EXT1: variants seen among roughly 807,000 people sequenced by gnomAD.
EXT1 encodes the protein exostosin glycosyltransferase 1, also known as exostosin-1.
In EXT1, 20 loss-of-function variants were observed where a neutral mutation model predicts 82.5. The observed-to-expected ratio is 0.24, with a 90% CI of 0.17 to 0.35. The LOEUF (loss-of-function observed/expected upper bound fraction) is 0.35. Ranked by LOEUF, EXT1 falls within the 10% of genes least tolerant of loss-of-function variation. EXT1 has a pLI of 1.00. For synonymous variants in EXT1, 348 were observed against 350.8 expected (o/e 0.99, Z 0.09); for missense variants, 757 against 936.5 (o/e 0.81, Z 2.50).
In EXT1 at chr8:118,033,089, C is replaced by A. The variant is rs73704889; in HGVS notation, c.962+76996G>T. 2.6e-3 allele frequency among the ~76,000 whole-genome samples: 396 copies of A among 152,268 alleles called. 2 individuals carry two copies. Among genetic ancestry groups the A allele is most frequent in the African/African-American group, 8.5e-3 (353 of 41,544 alleles). ...AGGTATTTATGCCCATTGCAATGCG[C>A]TAAATATGTGCCCACTCCCTGTTCT... On this transcript the variant is annotated intron_variant, in intron 1 of 10. Coordinates refer to ENST00000378204, the MANE Select transcript of EXT1 (RefSeq NM_000127.3).
intron 6 of EXT1, 83 bp downstream of exon 6, chr8:117,819,593 C>T: frequency 1.7e-6 from 2 of 1,191,692 alleles, no homozygotes; most frequent in East Asian, 2.3e-5. Flanking sequence ...CCTGGGGAGC[C>T]CGGGGGATAA....
intron 1 of EXT1, among the ~76,000 whole-genome samples, chr8:118,057,651 C>G (rs1262990498): frequency 1.4e-5 from 2 of 148,096 alleles, no homozygotes; most frequent in Non-Finnish European, 3.0e-5. Context: ...TTGAGGGGTT[C>G]AAAAAATGTC....
In EXT1 at chr8:117,807,361, G is replaced by A. The variant is rs2129701929; in HGVS notation, c.1739C>T (p.Thr580Ile). 6.2e-7 allele frequency: 1 copy of A among 1,614,198 alleles called. No homozygotes were observed. Residue 580 changes from threonine (T) to isoleucine (I), a missense_variant, in exon 9 of 11, where the codon ACA becomes ATA. Physicochemically the swap from Thr to Ile is moderately conservative, Grantham distance 89. This residue lies in a region of EXT1 where 128 missense variants were observed against 223.2 expected (regional missense o/e 0.57). Transcript: ENST00000378204. ...CCTCTCAGGGAAGCTCTGCCACACTGTGAAGGCGAAATCCACCTGCAGGCA... is the reference window on the plus strand; with the variant it reads ...CCTCTCAGGGAAGCTCTGCCACACTATGAAGGCGAAATCCACCTGCAGGCA... The part of the protein sequence containing the change: ...LSTTEVDFAF[T>I]VWQSFPERIV...
At chr8:117,808,732 T>C (rs184109549) in intron 8 of EXT1, among the ~76,000 whole-genome samples, 91 of 152,260 alleles carry the variant, frequency 6.0e-4, no homozygotes, top group East Asian at 1.9e-4. Context: ...TGGTTAATTG[T>C]ATGTGTCAAT....
At chr8:118,025,686 C>T (rs1312649498) in intron 1 of EXT1, among the ~76,000 whole-genome samples, 4 of 152,084 alleles carry the variant, frequency 2.6e-5, no homozygotes, top group Non-Finnish European at 4.4e-5. Context: ...TGTGAACCTC[C>T]GGCAAAGCGG....
chr8:117,856,813 G>A (rs1232576267), intron 1 of EXT1, among the ~76,000 whole-genome samples: 2 of 152,158 alleles, frequency 1.3e-5, no homozygotes, highest in Non-Finnish European at 2.9e-5. Flanking sequence ...GGAAGAAGAT[G>A]CCTTCTATGA....
intron 1 of EXT1, among the ~76,000 whole-genome samples, chr8:118,039,980 A>G (rs187215678): frequency 5.9e-5 from 9 of 152,308 alleles, no homozygotes; most frequent in Admixed American, 3.3e-4. Context: ...AAAGCGTAAC[A>G]ACCCAAAAAA....
At chr8:117,939,614 G>C (rs550509868) in intron 1 of EXT1, among the ~76,000 whole-genome samples, 1 of 151,664 alleles carries the variant, frequency 6.6e-6, no homozygotes, top group Admixed American at 6.6e-5. Context: ...AATAGTGAAG[G>C]TGAGAAAATT....
At chr8:117,882,135 G>A (rs1472650433) in intron 1 of EXT1, among the ~76,000 whole-genome samples, 1 of 152,180 alleles carries the variant, frequency 6.6e-6, no homozygotes, top group African/African-American at 2.4e-5. Flanking sequence ...AGACTGGAGT[G>A]CAGTGGCATG....
intron 1 of EXT1, among the ~76,000 whole-genome samples, chr8:118,104,489 C>A (rs1355072650): frequency 3.3e-5 from 5 of 152,178 alleles, no homozygotes; most frequent in Non-Finnish European, 7.3e-5. Context: ...CTATTTTCTT[C>A]TTCCAGAGTA....
intron 3 of EXT1, chr8:117,831,768 T>G: frequency 2.3e-6 from 1 of 442,418 alleles, no homozygotes; most frequent in Non-Finnish European, 4.6e-6. Flanking sequence ...GTAGCACATT[T>G]TTTAATTCAG....
At chr8:117,947,829 T>C (rs1814418016) in intron 1 of EXT1, among the ~76,000 whole-genome samples, 1 of 152,234 alleles carries the variant, frequency 6.6e-6, no homozygotes, top group Non-Finnish European at 1.5e-5. Flanking sequence ...CAAGTAATTA[T>C]ATCTGAGTAA....
At chr8:117,979,387 C>A (rs547400608) in intron 1 of EXT1, among the ~76,000 whole-genome samples, 17 of 148,674 alleles carry the variant, frequency 1.1e-4, no homozygotes, top group South Asian at 2.1e-4. Flanking sequence ...AACAAAAAAA[C>A]AAAACAAAAA....
intron 3 of EXT1, 59 bp downstream of exon 3, chr8:117,835,385 G>T: frequency 7.6e-7 from 1 of 1,319,856 alleles, no homozygotes; most frequent in Non-Finnish European, 1.1e-6. Context: ...TTCTTTGAAA[G>T]TTTGGACGGG....
intron 1 of EXT1, among the ~76,000 whole-genome samples, chr8:118,031,343 A>G (rs1030105381): frequency 4.6e-5 from 7 of 152,054 alleles, no homozygotes; most frequent in African/African-American, 1.7e-4. Context: ...TGGCCAACAC[A>G]GCGAAACCCC....
intron 1 of EXT1, among the ~76,000 whole-genome samples, chr8:118,005,932 C>T (rs1815766199): frequency 6.6e-6 from 1 of 152,186 alleles, no homozygotes; most frequent in Admixed American, 6.5e-5. Context: ...TCAAAGCAGC[C>T]ATCTCTACTG....
rs372722877 is a variant in EXT1, at chr8:117,887,018, A to G, written c.963-49817T>C. ...TTTCTGTACCTTAATATGCATCTAT[A>G]TAACAGGAATGAAATAAATCATAGT... On this transcript the variant is annotated intron_variant, in intron 1 of 10. Coordinates refer to ENST00000378204, the MANE Select transcript of EXT1 (RefSeq NM_000127.3). Among the ~76,000 whole-genome samples the G allele has an allele frequency of 6.3e-4, 96 of 152,344 alleles. 2 individuals carry two copies. The South Asian group carries it at 0.015, about 24-fold the overall frequency.
intron 1 of EXT1, among the ~76,000 whole-genome samples, chr8:118,079,509 G>A (rs1466338004): frequency 6.6e-6 from 1 of 152,184 alleles, no homozygotes; most frequent in African/African-American, 2.4e-5. Flanking sequence ...GCAATCCTAA[G>A]GCCAGAGTGG....
intron 1 of EXT1, among the ~76,000 whole-genome samples, chr8:117,983,419 C>T (rs938598638): frequency 2.0e-5 from 3 of 151,976 alleles, no homozygotes; most frequent in African/African-American, 4.8e-5. Flanking sequence ...AGGAGGTTGG[C>T]GCTACAGTGA....
Sources: allele counts gnomAD v4.1 joint callset (sites outside exome capture counted in the v4.1 genomes callset), GRCh38; gene constraint gnomAD v4.1.1; regional missense constraint gnomAD v4.1.1; transcripts MANE v1.5; gene names NCBI Gene and HGNC (gene_info 2026-07-23, HGNC 2026-07-21).